Variants in ARHGEF4 observed in about 807,000 individuals in gnomAD.
ARHGEF4 encodes Rho guanine nucleotide exchange factor 4.
In ARHGEF4, 119 loss-of-function variants were observed where a neutral mutation model predicts 162.0. The ratio of observed to expected loss-of-function variants is 0.73; its 90% CI spans 0.63 to 0.86. ARHGEF4 has a LOEUF of 0.86. Ranked by LOEUF, ARHGEF4 falls within the 40% of genes least tolerant of loss-of-function variation. The pLI is 0.00. For synonymous variants in ARHGEF4, 1,014 were observed against 979.9 expected, an observed-to-expected ratio of 1.03 and a Z score of -0.65; for missense variants, 2,488 against 2,456.0, an observed-to-expected ratio of 1.01 and a Z score of -0.28.
At chr2:131,027,903 C>T in intron 4 of ARHGEF4, 42 bp from the exon 5 acceptor site, 1 of 1,610,284 alleles carries the variant, frequency 6.2e-7, no homozygotes, top group Non-Finnish European at 8.5e-7. Flanking sequence ...TCAGCCCTTC[C>T]CAGCCCAGCC....
rs747559584 is a variant in ARHGEF4 at position 131,038,949 on chromosome 2, G to A, written c.4222G>A (p.Glu1408Lys). The change falls in exon 6 of 14, where the codon GAA (glutamate) becomes AAA (lysine). Residue 1408 changes from glutamate to lysine, a missense_variant. Physicochemically the swap from Glu to Lys is moderately conservative, Grantham distance 56. Coordinates refer to ENST00000409359, the MANE Select transcript of ARHGEF4 (RefSeq NM_001367493.1). Reference sequence around the variant, plus strand: ...GGGCTTCAAAGCTGGGGACGTCATCGAAGTGATGGATGCCACCAACAGAGA... The same window carrying A: ...GGGCTTCAAAGCTGGGGACGTCATCAAAGTGATGGATGCCACCAACAGAGA... ...ELGFKAGDVI[E>K]VMDATNREWW... The A allele has an allele frequency of 2.0e-5, 32 of 1,613,624 alleles. No individual in the cohort carries two copies. The highest frequency in any genetic ancestry group is 6.7e-5 in the East Asian group (3 of 44,892).
At chr2:131,043,351 C>T (rs1690969173) in intron 10 of ARHGEF4, 101 bp from the exon 11 acceptor site, 19 of 1,531,174 alleles carry the variant, frequency 1.2e-5, no homozygotes, top group Non-Finnish European at 1.7e-5. Flanking sequence ...GCGCTGCAGG[C>T]AAGGCCAGGG....
intron 5 of ARHGEF4, among the ~76,000 whole-genome samples, chr2:131,031,691 G>A (rs1032121554): frequency 3.9e-5 from 6 of 152,204 alleles, no homozygotes; most frequent in African/African-American, 1.4e-4. Flanking sequence ...CAGACGCTGA[G>A]TGTTTTCAGT....
intron 1 of ARHGEF4, among the ~76,000 whole-genome samples, chr2:130,869,396 G>T (rs1390570219): frequency 6.6e-6 from 1 of 152,190 alleles, no homozygotes; most frequent in African/African-American, 2.4e-5. Flanking sequence ...AGGGCTCCGG[G>T]TCTCTGCCTT....
At chr2:130,929,687 A>G (rs560961752) in intron 2 of ARHGEF4, 56 of 160,690 alleles carry the variant, frequency 3.5e-4, no homozygotes, top group Non-Finnish European at 6.5e-4. Context: ...ATATTAAGTA[A>G]GCATACCCAC....
intron 1 of ARHGEF4, among the ~76,000 whole-genome samples, chr2:130,847,303 G>T (rs891573738): frequency 6.6e-6 from 1 of 152,176 alleles, no homozygotes; most frequent in East Asian, 1.9e-4. Flanking sequence ...CTCTTGAATC[G>T]CTTTTCACCT....
At chr2:130,902,603 A>C (rs562950644) in intron 1 of ARHGEF4, among the ~76,000 whole-genome samples, 1 of 151,716 alleles carries the variant, frequency 6.6e-6, no homozygotes, top group Admixed American at 6.6e-5. Context: ...CAAAAATGAA[A>C]GGAAAGAAAA....
At chr2:130,943,736 T>C (rs796249869) in intron 3 of ARHGEF4, among the ~76,000 whole-genome samples, 11 of 152,304 alleles carry the variant, frequency 7.2e-5, no homozygotes, top group African/African-American at 2.6e-4. Flanking sequence ...TCCTCCTTTA[T>C]GTTGTTGTTG....
rs1004110514 is a variant in ARHGEF4, at chr2:130,887,630, C to T, written c.40-26356C>T. On this transcript the variant is annotated intron_variant, in intron 1 of 13. Coordinates refer to ENST00000409359, the MANE Select transcript of ARHGEF4 (RefSeq NM_001367493.1). Reference sequence around the variant, plus strand: ...ATCTTTTGAGGTTTGTAAATTTATTCGTTAAGGAGTTCTTGGTTTCTGAAA... The same window carrying T: ...ATCTTTTGAGGTTTGTAAATTTATTTGTTAAGGAGTTCTTGGTTTCTGAAA... 2.0e-4 allele frequency among the ~76,000 whole-genome samples: 31 copies of T among 152,064 alleles called. 2 individuals carry two copies. Among genetic ancestry groups the T allele is most frequent in the African/African-American group, 6.8e-4 (28 of 41,402 alleles).
chr2:131,039,822 G>A, intron 6 of ARHGEF4, 194 bp from the exon 7 acceptor site: 1 of 1,410,354 alleles, frequency 7.1e-7, no homozygotes, highest in Non-Finnish European at 9.2e-7. Context: ...GCGGCTGCGG[G>A]CGTCGGAGTC....
At chr2:130,895,725 A>G (rs1311745986) in intron 1 of ARHGEF4, among the ~76,000 whole-genome samples, 11 of 152,138 alleles carry the variant, frequency 7.2e-5, no homozygotes, top group East Asian at 1.9e-4. Context: ...AGTTTGTTAC[A>G]TAGTCTAGAT....
intron 4 of ARHGEF4, among the ~76,000 whole-genome samples, chr2:130,980,389 C>A (rs1182439100): frequency 1.8e-3 from 251 of 141,310 alleles, no homozygotes; most frequent in Non-Finnish European, 2.0e-3. Flanking sequence ...GACCATGTCT[C>A]AAAAAAAAAA....
chr2:130,982,584 C>CCCTCCTCCTCCTTTCCCT (rs1573519423), intron 4 of ARHGEF4, among the ~76,000 whole-genome samples: 3 of 145,136 alleles, frequency 2.1e-5, no homozygotes, highest in South Asian at 2.4e-4. Context: ...CTTCTCCTCC[C>CCCTCCTCCTCCTTTCCCT]CCTCCTCCTC....
intron 4 of ARHGEF4, among the ~76,000 whole-genome samples, chr2:131,019,523 G>A (rs369026835): frequency 6.7e-6 from 1 of 149,092 alleles, no homozygotes; most frequent in African/African-American, 2.5e-5. Context: ...AACATGGGAC[G>A]TCTTTCTTTG....
chr2:131,023,972 A>T (rs888795103), intron 4 of ARHGEF4, among the ~76,000 whole-genome samples: 1 of 152,226 alleles, frequency 6.6e-6, no homozygotes, highest in African/African-American at 2.4e-5. Flanking sequence ...ATTAATACAC[A>T]TAGCAGCTGG....
At chr2:130,992,624 C>G (rs775216523) in intron 4 of ARHGEF4, among the ~76,000 whole-genome samples, 1 of 152,198 alleles carries the variant, frequency 6.6e-6, no homozygotes, top group African/African-American at 2.4e-5. Context: ...ACCTTAAGAG[C>G]TGTAACACTC....
chr2:131,046,853 CG>C lies in ARHGEF4; in HGVS notation c.*667del, dbSNP rs1691302614. On this transcript the variant is annotated 3_prime_UTR_variant, in exon 14 of 14. Transcript: ENST00000409359. ...GTGCAGTCGGCTGCATACTCCCAGT[CG>C]GGAGTGTGGTCAGTCTGCCTGCTGC... The C allele has an allele frequency of 6.6e-6, 1 of 152,660 alleles. No individual in the cohort carries two copies. Among genetic ancestry groups the C allele is most frequent in the African/African-American group, 2.4e-5 (1 of 41,462 alleles). The allele number at this position is 152,660 out of a possible 1,614,324, so 9.5% of individuals were successfully genotyped here.
intron 4 of ARHGEF4, among the ~76,000 whole-genome samples, chr2:130,981,636 T>C (rs1191876013): frequency 2.2e-5 from 3 of 139,254 alleles, no homozygotes; most frequent in Admixed American, 7.7e-5. Flanking sequence ...CCAGCCTGGG[T>C]GACAAAGCGA....
At chr2:130,927,764 T>C (rs12162378) in intron 2 of ARHGEF4, among the ~76,000 whole-genome samples, 87,558 of 152,078 alleles carry the variant, frequency 0.58, 29,608 homozygotes, top group East Asian at 0.84. Context: ...GATCCCTAGC[T>C]GGTCTACTTT....
Sources: gnomAD v4.1 joint callset for allele counts (sites outside exome capture counted in the v4.1 genomes callset) on GRCh38, gnomAD v4.1.1 for gene constraint, MANE v1.5 for transcripts, NCBI Gene and HGNC (gene_info 2026-07-23, HGNC 2026-07-21) for gene names.